PPIL6: variants seen among roughly 807,000 people sequenced by gnomAD.
PPIL6 encodes the protein probable inactive peptidyl-prolyl cis-trans isomerase-like 6.
PPIL6 carries 39 observed loss-of-function variants against 36.8 expected under a neutral mutation model. That is an observed-to-expected ratio of 1.06 (90% CI 0.82 to 1.38). PPIL6 has a LOEUF of 1.38. Ranked by LOEUF, PPIL6 falls within the 40% of genes most tolerant of loss-of-function variation. PPIL6 has a pLI of 0.00. For missense variants in PPIL6, 368 were observed against 379.1 expected (o/e 0.97, Z 0.24); for synonymous variants, 123 against 134.1 (o/e 0.92, Z 0.57).
chr6:109,431,410 A>C (rs903060006), intron 2 of PPIL6, 65 bp from the exon 3 acceptor site: 152 of 1,220,530 alleles, frequency 1.2e-4, no homozygotes, highest in Non-Finnish European at 1.6e-4. Context: ...TGCTAAACCC[A>C]TAAGCCAGAG....
rs779884230 is a variant in PPIL6 at position 109,426,942 on chromosome 6, G to C, written c.536C>G (p.Thr179Arg). 2 of 1,608,000 alleles carry C rather than the reference G, an allele frequency of 1.2e-6. No individual in the cohort carries two copies. Among genetic ancestry groups the C allele is most frequent in the Non-Finnish European group, 1.7e-6 (2 of 1,175,394 alleles). ...ACGTTGAGAAAACCCTGCTTTTCCTGTGCACAAGACCTGAAAATTTTTACA... is the reference window on the plus strand; with the variant it reads ...ACGTTGAGAAAACCCTGCTTTTCCTCTGCACAAGACCTGAAAATTTTTACA... ...KTCKNFQVLCTGKAGFSQRGI... is the reference protein window; with the variant it reads ...KTCKNFQVLCRGKAGFSQRGI... Residue 179 changes from threonine to arginine, a missense_variant, in exon 5 of 8, where the codon ACA becomes AGA. By Grantham distance (71) the Thr-to-Arg change is moderately conservative (BLOSUM62 -1). Coordinates refer to ENST00000521072, the MANE Select transcript of PPIL6 (RefSeq NM_173672.5).
chr6:109,426,628 A>T (rs932761155), intron 5 of PPIL6, among the ~76,000 whole-genome samples: 2 of 152,186 alleles, frequency 1.3e-5, no homozygotes, highest in Admixed American at 1.3e-4. Context: ...AATTTGGAAT[A>T]TTCCTGGTAA....
chr6:109,395,674 G>A (rs1228326800), intron 7 of PPIL6, among the ~76,000 whole-genome samples: 2 of 147,338 alleles, frequency 1.4e-5, no homozygotes, highest in East Asian at 2.1e-4. Context: ...GCGCAATCTC[G>A]GCTCACTGCA....
At chr6:109,402,439 G>A (rs1020237242) in intron 6 of PPIL6, among the ~76,000 whole-genome samples, 1 of 152,060 alleles carries the variant, frequency 6.6e-6, no homozygotes, top group African/African-American at 2.4e-5. Context: ...AGGAGGCTTA[G>A]GCACAAGAAT....
At chr6:109,437,280 T>C (rs1774497552) in intron 1 of PPIL6, among the ~76,000 whole-genome samples, 1 of 152,182 alleles carries the variant, frequency 6.6e-6, no homozygotes, top group African/African-American at 2.4e-5. Flanking sequence ...CTGCTGCAGG[T>C]GGCACTTCCC....
chr6:109,440,066 TTAGC>T (rs1774718991), intron 1 of PPIL6: 1 of 264,208 alleles, frequency 3.8e-6, no homozygotes, highest in Admixed American at 5.7e-5. Context: ...GTTGTAAAAA[TTAGC>T]TAGTTATATA....
intron 7 of PPIL6, among the ~76,000 whole-genome samples, chr6:109,397,233 G>A (rs532667156): frequency 4.6e-5 from 7 of 151,620 alleles, no homozygotes; most frequent in African/African-American, 1.7e-4. Flanking sequence ...TAGAAGGAGG[G>A]CAGTGCCTCC....
chr6:109,422,450 C>T (rs1773599933), intron 5 of PPIL6, among the ~76,000 whole-genome samples: 1 of 152,094 alleles, frequency 6.6e-6, no homozygotes, highest in South Asian at 2.1e-4. Flanking sequence ...TAAAAATTTG[C>T]CAGGCATGGT....
chr6:109,436,821 A>G (rs1774476256), intron 1 of PPIL6, among the ~76,000 whole-genome samples: 1 of 152,244 alleles, frequency 6.6e-6, no homozygotes, highest in Non-Finnish European at 1.5e-5. Context: ...GCAGCTGAAT[A>G]AAGAGAGGAA....
chr6:109,413,008 A>T lies in PPIL6; in HGVS notation c.688+6179T>A, dbSNP rs1773082042. ...CCCTGTCTCTACTAAAAATACAAAA[A>T]TTAGCCAGGTGTAGTTATGTGCGCC... On this transcript the variant is annotated intron_variant, in intron 6 of 7. Coordinates refer to ENST00000521072, the MANE Select transcript of PPIL6 (RefSeq NM_173672.5). This position sits in a 1 kb window ranked among gnomAD's most constrained non-coding sequence, Gnocchi z 4.6. Among the ~76,000 whole-genome samples the T allele has an allele frequency of 6.6e-6, 1 of 151,978 alleles. No homozygotes were observed. Among genetic ancestry groups the T allele is most frequent in the South Asian group, 2.1e-4 (1 of 4,820 alleles).
At chr6:109,421,970 G>A (rs531946039) in intron 5 of PPIL6, among the ~76,000 whole-genome samples, 5 of 152,230 alleles carry the variant, frequency 3.3e-5, no homozygotes, top group East Asian at 1.9e-4. Flanking sequence ...GCCACCTCTC[G>A]GGTTCAACCG....
intron 1 of PPIL6, among the ~76,000 whole-genome samples, chr6:109,438,668 A>C (rs1391802664): frequency 6.6e-6 from 1 of 151,860 alleles, no homozygotes; most frequent in African/African-American, 2.4e-5. Flanking sequence ...AGCTCACCGA[A>C]ACCTCCACCT....
At chr6:109,395,591 C>A (rs1453018773) in intron 7 of PPIL6, among the ~76,000 whole-genome samples, 2 of 149,236 alleles carry the variant, frequency 1.3e-5, no homozygotes. Context: ...CAGGCCCTCA[C>A]CCCCGACTCT....
chr6:109,436,214 A>G lies in PPIL6; in HGVS notation c.136-15T>C. On this transcript the variant is annotated splice_polypyrimidine_tract_variant and intron_variant, in intron 1 of 7. Coordinates refer to ENST00000521072, the MANE Select transcript of PPIL6 (RefSeq NM_173672.5). ...TTCTTCAGATTCTGGATTTCGAAATAGAATAATTATTTTAGAGTTAGTTCT... is the reference window on the plus strand; with the variant it reads ...TTCTTCAGATTCTGGATTTCGAAATGGAATAATTATTTTAGAGTTAGTTCT... 1 of 1,372,094 alleles carries G rather than the reference A, an allele frequency of 7.3e-7. No homozygotes were observed. The highest frequency in any genetic ancestry group is 1.0e-6 in the Non-Finnish European group (1 of 965,302). The allele number at this position is 1,372,094 out of a possible 1,614,324, so 85.0% of individuals were successfully genotyped here.
chr6:109,439,077 C>T (rs1774628175), intron 1 of PPIL6, among the ~76,000 whole-genome samples: 2 of 152,092 alleles, frequency 1.3e-5, no homozygotes, highest in South Asian at 2.1e-4. Flanking sequence ...GAAGGCCTAA[C>T]ATATTTACTA....
At chr6:109,438,170 ATTTC>A (rs1172020824) in intron 1 of PPIL6, among the ~76,000 whole-genome samples, 2 of 152,068 alleles carry the variant, frequency 1.3e-5, no homozygotes, top group Non-Finnish European at 2.9e-5. Context: ...AACATTTATT[ATTTC>A]TTTGTGTTGG....
At chr6:109,440,967 G>A, upstream of PPIL6, 2 of 709,614 alleles carry the variant, frequency 2.8e-6, no homozygotes, top group South Asian at 3.6e-5. Context: ...CGGGAGTCGG[G>A]CCCGACCTGA....
rs528596326 is a variant in PPIL6, at chr6:109,390,531, CAT to C, written c.*2293_*2294del. 45 of 152,274 alleles carry C rather than the reference CAT, an allele frequency of 3.0e-4. No individual in the cohort carries two copies. The highest frequency in any genetic ancestry group is 8.7e-4 in the African/African-American group (36 of 41,530). 9.4% of individuals were successfully genotyped at this position (152,274 alleles called of 1,614,324 possible). ...ATCCACCTCAGGTCTTAGCATAAAGCATATGTCATATAGCAATAAAGCTGTCA... is the reference window on the plus strand; with the variant it reads ...ATCCACCTCAGGTCTTAGCATAAAGCATGTCATATAGCAATAAAGCTGTCA... On this transcript the variant is annotated 3_prime_UTR_variant, in exon 8 of 8. Coordinates refer to ENST00000521072, the MANE Select transcript of PPIL6 (RefSeq NM_173672.5).
At chr6:109,410,632 A>G (rs746672896) in intron 6 of PPIL6, among the ~76,000 whole-genome samples, 1 of 152,148 alleles carries the variant, frequency 6.6e-6, no homozygotes, top group Admixed American at 6.6e-5. Context: ...TTGGGTATCT[A>G]TATCTCTAGC....
Sources: allele counts gnomAD v4.1 joint callset (sites outside exome capture counted in the v4.1 genomes callset), GRCh38; gene constraint gnomAD v4.1.1; non-coding constraint Gnocchi (gnomAD v3.1); transcripts MANE v1.5; gene names NCBI Gene and HGNC (gene_info 2026-07-23, HGNC 2026-07-21).